The following CYTH3 variants were observed in gnomAD, a reference collection of about 807,000 sequenced individuals.
The protein encoded by CYTH3 is cytohesin 3.
Under a neutral mutation model 55.1 loss-of-function variants are expected in CYTH3, and 23 were observed. That is an observed-to-expected ratio of 0.42 (90% CI 0.30 to 0.59). CYTH3 has a LOEUF of 0.59. Among genes scored for constraint, CYTH3 ranks in the 20% least tolerant of loss-of-function variants. The pLI is 0.20. For synonymous variants in CYTH3, 249 were observed against 194.9 expected, an observed-to-expected ratio of 1.28 and a Z score of -2.31; for missense variants, 413 against 524.8, an observed-to-expected ratio of 0.79 and a Z score of 2.08.
chr7:6,265,479 C>T (rs1242199212), intron 1 of CYTH3, among the ~76,000 whole-genome samples: 1 of 151,716 alleles, frequency 6.6e-6, no homozygotes, highest in East Asian at 1.9e-4. Context: ...ATTAGCCGGG[C>T]ATGGTGGCAC....
At chr7:6,221,599 T>C (rs1784555300) in intron 1 of CYTH3, among the ~76,000 whole-genome samples, 1 of 152,160 alleles carries the variant, frequency 6.6e-6, no homozygotes, top group Non-Finnish European at 1.5e-5. Context: ...TGCAGTTACA[T>C]AAGATGTAAC....
At position 6,182,320 on chromosome 7, in the gene CYTH3, G is replaced by C. The variant is rs143826023; in HGVS notation, c.250-4379C>G. On this transcript the variant is annotated intron_variant, in intron 4 of 12. Transcript: ENST00000350796. ...CCACCCCGGCCTCCCAAAGTGCTCG[G>C]ATTACAGGCGTGAGCCACCGCACCC... Among the ~76,000 whole-genome samples the C allele has an allele frequency of 1.5e-3, 224 of 152,206 alleles. 2 individuals are homozygous for C. The highest frequency in any genetic ancestry group is 5.2e-3 in the African/African-American group (215 of 41,528).
intron 1 of CYTH3, among the ~76,000 whole-genome samples, chr7:6,249,319 T>C (rs1182374400): frequency 6.6e-6 from 1 of 152,210 alleles, no homozygotes; most frequent in African/African-American, 2.4e-5. Flanking sequence ...ACTTGGGGTG[T>C]TGGTACACAC....
chr7:6,190,654 C>A, intron 1 of CYTH3, 123 bp from the exon 2 acceptor site: 2 of 728,900 alleles, frequency 2.7e-6, no homozygotes, highest in Non-Finnish European at 4.3e-6. Context: ...TAAAGAAATG[C>A]TCCCATTGAG....
intron 1 of CYTH3, among the ~76,000 whole-genome samples, chr7:6,192,372 C>A (rs991890562): frequency 3.3e-5 from 5 of 151,454 alleles, no homozygotes; most frequent in Non-Finnish European, 5.9e-5. Context: ...CATGCGCCAC[C>A]ATGTCTGGCT....
intron 1 of CYTH3, among the ~76,000 whole-genome samples, chr7:6,222,787 T>G (rs1784581456): frequency 6.7e-6 from 1 of 149,846 alleles, no homozygotes; most frequent in Admixed American, 6.6e-5. Context: ...AAAAAAAAAC[T>G]GAACCAATTT....
In CYTH3 at chr7:6,252,460, T is replaced by G. The variant is rs147692769; in HGVS notation, c.34+20014A>C. On this transcript the variant is annotated intron_variant, in intron 1 of 12. Transcript: ENST00000350796. ...CACGAACAAAATTAATACTTTAGAA[T>G]GGAATTTAAATCAGTCATCTGAAAG... is the stretch of plus-strand genomic sequence containing the variant. Among the ~76,000 whole-genome samples, 528 of 152,332 alleles carry G rather than the reference T, an allele frequency of 3.5e-3. 3 individuals carry two copies. The highest frequency in any genetic ancestry group is 0.012 in the African/African-American group (508 of 41,562).
chr7:6,172,626 G>C, intron 6 of CYTH3: 2 of 860,526 alleles, frequency 2.3e-6, no homozygotes, highest in Non-Finnish European at 2.9e-6. Flanking sequence ...TCCCACGGCT[G>C]TGGGAATTAA....
intron 5 of CYTH3, among the ~76,000 whole-genome samples, chr7:6,176,184 A>G (rs1783344730): frequency 6.7e-6 from 1 of 149,082 alleles, no homozygotes; most frequent in Admixed American, 6.7e-5. Flanking sequence ...TTTTAATGCT[A>G]TTATAAATGG....
At chr7:6,193,152 A>C (rs1227715698) in intron 1 of CYTH3, among the ~76,000 whole-genome samples, 2 of 152,188 alleles carry the variant, frequency 1.3e-5, no homozygotes, top group African/African-American at 4.8e-5. Context: ...AGCCTGGGTG[A>C]CAGAGCGAGA....
intron 1 of CYTH3, among the ~76,000 whole-genome samples, chr7:6,248,152 T>C (rs1051383159): frequency 2.8e-4 from 42 of 151,396 alleles, no homozygotes; most frequent in African/African-American, 1.0e-3. Flanking sequence ...TCAAAAATTA[T>C]ATCCCCCTCC....
At chr7:6,180,474 C>T (rs540916648) in intron 4 of CYTH3, among the ~76,000 whole-genome samples, 30 of 152,270 alleles carry the variant, frequency 2.0e-4, no homozygotes, top group African/African-American at 7.0e-4. Flanking sequence ...GTGAGGTGCC[C>T]ACGGCTGTGG....
intron 1 of CYTH3, 65 bp downstream of exon 1, chr7:6,272,409 C>CGGGGGGGGG: frequency 9.2e-4 from 1,112 of 1,209,016 alleles, no homozygotes; most frequent in Non-Finnish European, 1.1e-3. Context: ...GCCGCGCCCT[C>CGGGGGGGGG]GACCCCCAGC....
chr7:6,248,773 CAG>C (rs1325615640), intron 1 of CYTH3, among the ~76,000 whole-genome samples: 2 of 152,348 alleles, frequency 1.3e-5, no homozygotes, highest in East Asian at 3.9e-4. Context: ...TCTAAGGAAA[CAG>C]AGTGATGAGT....
intron 1 of CYTH3, among the ~76,000 whole-genome samples, chr7:6,271,505 A>G (rs139052871): frequency 2.0e-3 from 302 of 151,940 alleles, no homozygotes; most frequent in African/African-American, 6.7e-3. Context: ...AAAAGTCTAG[A>G]GAACCTCAAC....
chr7:6,255,146 T>C (rs963727618), intron 1 of CYTH3, among the ~76,000 whole-genome samples: 2 of 152,162 alleles, frequency 1.3e-5, no homozygotes, highest in Non-Finnish European at 2.9e-5. Flanking sequence ...TTTTAACAGC[T>C]TAGGGAGATT....
chr7:6,187,836 C>A, intron 2 of CYTH3, 115 bp from the exon 3 acceptor site: 1 of 841,954 alleles, frequency 1.2e-6, no homozygotes, highest in Non-Finnish European at 2.0e-6. Flanking sequence ...CGGAGCATCA[C>A]AGGGATGGAA....
At chr7:6,216,563 AC>A in intron 1 of CYTH3, among the ~76,000 whole-genome samples, 1 of 151,762 alleles carries the variant, frequency 6.6e-6, no homozygotes, top group South Asian at 2.1e-4. Context: ...ACACCGCAAG[AC>A]CCCATCTCTA....
At chr7:6,191,499 G>A (rs1783802800) in intron 1 of CYTH3, among the ~76,000 whole-genome samples, 1 of 151,550 alleles carries the variant, frequency 6.6e-6, no homozygotes, top group Non-Finnish European at 1.5e-5. Context: ...ATTACAAGTG[G>A]ATTAAAAGTA....
Sources: allele counts gnomAD v4.1 joint callset (sites outside exome capture counted in the v4.1 genomes callset), GRCh38; gene constraint gnomAD v4.1.1; transcripts MANE v1.5; gene names NCBI Gene and HGNC (gene_info 2026-07-23, HGNC 2026-07-21).